Variants in CYP4Z1 observed in about 807,000 individuals in gnomAD.
CYP4Z1 encodes cytochrome P450 4Z1.
In CYP4Z1, 41 loss-of-function variants were observed where a neutral mutation model predicts 54.2. That is an observed-to-expected ratio of 0.76 (90% CI 0.59 to 0.98). The LOEUF is 0.98. CYP4Z1 is among the 50% of genes least tolerant of loss of function. CYP4Z1 has a pLI of 0.00. For synonymous variants in CYP4Z1, 163 were observed against 206.2 expected, an observed-to-expected ratio of 0.79 and a Z score of 1.79; for missense variants, 513 against 599.0, an observed-to-expected ratio of 0.86 and a Z score of 1.50.
chr1:47,099,940 C>T (rs1644709589), intron 8 of CYP4Z1, among the ~76,000 whole-genome samples: 1 of 152,040 alleles, frequency 6.6e-6, no homozygotes, highest in Non-Finnish European at 1.5e-5. Context: ...TTGCTCATTA[C>T]CAGCACTGCT....
chr1:47,067,715 G>A (rs1329634028), intron 1 of CYP4Z1, 48 bp downstream of exon 1: 1 of 1,488,970 alleles, frequency 6.7e-7, no homozygotes, highest in Non-Finnish European at 9.0e-7. Context: ...GAAAGATGAG[G>A]TATTAAAAAA....
At chr1:47,090,516 C>T (rs2742093) in intron 6 of CYP4Z1, among the ~76,000 whole-genome samples, 9 of 152,074 alleles carry the variant, frequency 5.9e-5, no homozygotes, top group East Asian at 1.9e-4. Flanking sequence ...TGCGATTCTA[C>T]GAATAATTAA....
At chr1:47,056,449 A>G in the CYP4Z1 span, among the ~76,000 whole-genome samples, 1 of 152,044 alleles carries the variant, frequency 6.6e-6, no homozygotes, top group Non-Finnish European at 1.5e-5. Context: ...CTTGGTGCAG[A>G]GCTGAGTTCA....
chr1:47,068,390 A>C (rs571062333), intron 1 of CYP4Z1, among the ~76,000 whole-genome samples: 1 of 152,286 alleles, frequency 6.6e-6, no homozygotes, highest in South Asian at 2.1e-4. Flanking sequence ...TTGACGCTGG[A>C]GTGAGAAGAC....
chr1:47,110,578 A>G (rs1007755608), intron 9 of CYP4Z1, among the ~76,000 whole-genome samples: 2 of 152,142 alleles, frequency 1.3e-5, no homozygotes, highest in African/African-American at 2.4e-5. Context: ...TTCATTGACC[A>G]TGATTTGAGA....
chr1:47,056,514 G>A, the CYP4Z1 span, among the ~76,000 whole-genome samples: 3 of 152,190 alleles, frequency 2.0e-5, no homozygotes, highest in East Asian at 3.8e-4. Context: ...AATGTTGACA[G>A]TGGGGTGTTA....
At chr1:47,107,457 TCA>T (rs1644764589) in intron 9 of CYP4Z1, among the ~76,000 whole-genome samples, 1 of 152,110 alleles carries the variant, frequency 6.6e-6, no homozygotes, top group Admixed American at 6.6e-5. Flanking sequence ...TCTTTTTAAT[TCA>T]GTGTTATTTT....
chr1:47,073,192 A>G (rs979705620), intron 2 of CYP4Z1, among the ~76,000 whole-genome samples: 23 of 125,854 alleles, frequency 1.8e-4, no homozygotes, highest in Non-Finnish European at 4.9e-5. Flanking sequence ...GAATCACACA[A>G]TATGTGACCC....
At chr1:47,104,325 G>A (rs966220315) in intron 8 of CYP4Z1, among the ~76,000 whole-genome samples, 3 of 152,142 alleles carry the variant, frequency 2.0e-5, no homozygotes, top group African/African-American at 4.8e-5. Flanking sequence ...GCCAGTCTTC[G>A]GGTCCCAGCA....
chr1:47,104,860 G>A (rs1485541267), intron 8 of CYP4Z1, among the ~76,000 whole-genome samples: 2 of 152,088 alleles, frequency 1.3e-5, no homozygotes, highest in Non-Finnish European at 2.9e-5. Context: ...ATGCTCAGAT[G>A]AGAATGGCAG....
chr1:47,086,131 G>T (rs1191029855), intron 6 of CYP4Z1, among the ~76,000 whole-genome samples: 4 of 152,072 alleles, frequency 2.6e-5, no homozygotes, highest in Admixed American at 6.5e-5. Flanking sequence ...CTTTGCTATT[G>T]TGAAAAGTGC....
intron 9 of CYP4Z1, among the ~76,000 whole-genome samples, chr1:47,112,076 A>G (rs1644795874): frequency 6.6e-6 from 1 of 152,172 alleles, no homozygotes; most frequent in Non-Finnish European, 1.5e-5. Context: ...GAAAGAATAA[A>G]AGAGTAAACT....
At chr1:47,096,422 T>A (rs1166234210) in intron 7 of CYP4Z1, among the ~76,000 whole-genome samples, 1 of 152,092 alleles carries the variant, frequency 6.6e-6, no homozygotes, top group African/African-American at 2.4e-5. Context: ...TAGTAAAAAA[T>A]AAAATAACAT....
intron 4 of CYP4Z1, 98 bp downstream of exon 4, chr1:47,082,559 CA>C: frequency 6.6e-7 from 1 of 1,514,642 alleles, no homozygotes; most frequent in Non-Finnish European, 8.8e-7. Context: ...ACCATGTTCA[CA>C]GCAGTTTATA....
At chr1:47,116,575 G>A (rs1359687728) in intron 10 of CYP4Z1, 75 bp from the exon 11 acceptor site, 13 of 504,694 alleles carry the variant, frequency 2.6e-5, no homozygotes, top group African/African-American at 7.4e-5. Flanking sequence ...TATGGATTTC[G>A]TTTTTGTTTT....
At chr1:47,086,306 A>G (rs889971974) in intron 6 of CYP4Z1, among the ~76,000 whole-genome samples, 2 of 152,222 alleles carry the variant, frequency 1.3e-5, no homozygotes, top group Non-Finnish European at 2.9e-5. Context: ...TTACAGTCCC[A>G]CCAACAGTGT....
chr1:47,098,944 GA>G (rs1323866984), intron 7 of CYP4Z1, 149 bp from the exon 8 acceptor site: 1 of 922,726 alleles, frequency 1.1e-6, no homozygotes, highest in Non-Finnish European at 1.6e-6. Flanking sequence ...GTTAAGGTTT[GA>G]AAAAAGTAAA....
upstream of CYP4Z1, among the ~76,000 whole-genome samples, chr1:47,064,271 A>G (rs1644438879): frequency 6.6e-6 from 1 of 151,796 alleles, no homozygotes; most frequent in African/African-American, 2.4e-5. Context: ...TTTAGTAGAG[A>G]TGGGGTTTCA....
At chr1:47,061,201 G>T in the CYP4Z1 span, among the ~76,000 whole-genome samples, 1 of 152,120 alleles carries the variant, frequency 6.6e-6, no homozygotes, top group Admixed American at 6.5e-5. Flanking sequence ...ACCAAAATCA[G>T]AGCTGAGCTG....
Sources: allele counts gnomAD v4.1 joint callset (sites outside exome capture counted in the v4.1 genomes callset), GRCh38; gene constraint gnomAD v4.1.1; transcripts MANE v1.5; gene names NCBI Gene and HGNC (gene_info 2026-07-23, HGNC 2026-07-21).